Variants in KLHL28 observed in about 807,000 individuals in gnomAD.
KLHL28 encodes the protein kelch like family member 28, also known as kelch-like protein 28.
A neutral mutation model predicts 48.3 loss-of-function variants in KLHL28; 22 were observed. That is an observed-to-expected ratio of 0.46 (90% CI 0.33 to 0.65). KLHL28 has a LOEUF of 0.65. Among genes scored for constraint, KLHL28 ranks in the 30% least tolerant of loss-of-function variants. The pLI, the probability that KLHL28 is intolerant of heterozygous loss-of-function variation, is 0.03. For synonymous variants in KLHL28, 243 were observed against 242.4 expected (o/e 1.00, Z -0.02); for missense variants, 527 against 704.3 (o/e 0.75, Z 2.85).
Position 44,927,086 on chromosome 14 carries a change from T to C in KLHL28, c.*1942A>G, listed in dbSNP as rs1185087641. On this transcript the variant is annotated 3_prime_UTR_variant, in exon 5 of 5. Coordinates refer to ENST00000396128, the MANE Select transcript of KLHL28 (RefSeq NM_017658.5). ...TATTATGTTATTCAGACAAGCAACATAGAAAATACTCAGACTATCAATTGT... is the reference window on the plus strand; with the variant it reads ...TATTATGTTATTCAGACAAGCAACACAGAAAATACTCAGACTATCAATTGT... The C allele has an allele frequency of 2.0e-5, 3 of 152,554 alleles. No individual in the cohort carries two copies. Among genetic ancestry groups the C allele is most frequent in the African/African-American group, 7.2e-5 (3 of 41,442 alleles). 9.5% of individuals were successfully genotyped at this position (152,554 alleles called of 1,614,324 possible).
intron 2 of KLHL28, among the ~76,000 whole-genome samples, chr14:44,935,864 G>GTGTATA (rs1566564854): frequency 1.2e-3 from 56 of 47,810 alleles, no homozygotes; most frequent in Non-Finnish European, 2.3e-3. Context: ...GTATGTATGT[G>GTGTATA]TATGTGTATG....
intron 2 of KLHL28, among the ~76,000 whole-genome samples, chr14:44,938,516 C>T (rs1489875696): frequency 1.3e-5 from 2 of 152,002 alleles, no homozygotes; most frequent in Admixed American, 1.3e-4. Flanking sequence ...GGACTACAGG[C>T]GCCCACCACC....
intron 1 of KLHL28, chr14:44,960,952 C>T: frequency 6.8e-7 from 1 of 1,480,078 alleles, no homozygotes; most frequent in Non-Finnish European, 9.2e-7. Context: ...CAAATGATAA[C>T]TTAGACTTTT....
At chr14:44,930,154 T>C (rs1004544657) in intron 4 of KLHL28, among the ~76,000 whole-genome samples, 4 of 152,230 alleles carry the variant, frequency 2.6e-5, no homozygotes, top group Admixed American at 2.0e-4. Flanking sequence ...AAACAAATTA[T>C]AGTAAACACT....
At position 44,945,837 on chromosome 14, in the gene KLHL28, T is replaced by A; in HGVS notation, c.92A>T (p.His31Leu). 6.2e-7 allele frequency: 1 copy of A among 1,614,172 alleles called. No homozygotes were observed. The highest frequency in any genetic ancestry group is 8.5e-7 in the Non-Finnish European group (1 of 1,180,016). Residue 31 changes from histidine (H) to leucine (L), a missense_variant, in exon 2 of 5, where the codon CAT (histidine) becomes CTT (leucine). By Grantham distance (99) the His-to-Leu change is moderately conservative. Coordinates refer to ENST00000396128, the MANE Select transcript of KLHL28 (RefSeq NM_017658.5). ...LLQGLNLLRQ[H>L]HELCDIILRV... is the part of the protein sequence containing the mutation. ...AAGAATGATGTCACAGAGTTCGTGATGTTGGCGAAGAAGATTCAAGCCCTG... is the reference window on the plus strand; with the variant it reads ...AAGAATGATGTCACAGAGTTCGTGAAGTTGGCGAAGAAGATTCAAGCCCTG...
intron 2 of KLHL28, among the ~76,000 whole-genome samples, chr14:44,935,822 C>T (rs1387728458): frequency 2.9e-5 from 4 of 136,656 alleles, no homozygotes; most frequent in Non-Finnish European, 6.4e-5. Context: ...TTCTTGATAC[C>T]CTGCACCCAT....
intron 1 of KLHL28, among the ~76,000 whole-genome samples, chr14:44,955,378 C>T (rs1350446552): frequency 6.6e-6 from 1 of 152,056 alleles, no homozygotes; most frequent in Non-Finnish European, 1.5e-5. Context: ...ATCCCGGTAG[C>T]AAAGAACACT....
chr14:44,943,343 C>A (rs1884181398), intron 2 of KLHL28, among the ~76,000 whole-genome samples: 1 of 152,200 alleles, frequency 6.6e-6, no homozygotes, highest in Non-Finnish European at 1.5e-5. Flanking sequence ...CTCAACAATA[C>A]TAGTTTCAGG....
At chr14:44,943,742 T>G (rs1884203240) in intron 2 of KLHL28, among the ~76,000 whole-genome samples, 2 of 147,518 alleles carry the variant, frequency 1.4e-5, no homozygotes, top group East Asian at 2.0e-4. Flanking sequence ...CAAAACAGGG[T>G]CTCATTCTGT....
chr14:44,950,726 A>G (rs1223941277), intron 1 of KLHL28, among the ~76,000 whole-genome samples: 1 of 152,242 alleles, frequency 6.6e-6, no homozygotes, highest in Admixed American at 6.5e-5. Flanking sequence ...ACAAAATTGT[A>G]TAAAAAGCAG....
In KLHL28 at chr14:44,927,840, CAT is replaced by C. The variant is rs1359878285; in HGVS notation, c.*1186_*1187del. On this transcript the variant is annotated 3_prime_UTR_variant, in exon 5 of 5. Transcript: ENST00000396128. ...CATATATTTCTGTTTTTAAGAAAGA[CAT>C]GTAATATCTAGCACAAGAAGAAAGA... 1 of 152,524 alleles carries C rather than the reference CAT, an allele frequency of 6.6e-6. No homozygotes were observed. The highest frequency in any genetic ancestry group is 6.5e-5 in the Admixed American group (1 of 15,268). 9.4% of individuals were successfully genotyped at this position (152,524 alleles called of 1,614,324 possible).
At chr14:44,930,679 A>C (rs1208960435) in intron 4 of KLHL28, among the ~76,000 whole-genome samples, 1 of 152,220 alleles carries the variant, frequency 6.6e-6, no homozygotes, top group African/African-American at 2.4e-5. Context: ...CATAATTCAA[A>C]TATTCCAAAA....
chr14:44,926,871 T>C lies in KLHL28; in HGVS notation c.*2157A>G, dbSNP rs916043245. On this transcript the variant is annotated 3_prime_UTR_variant, in exon 5 of 5. Transcript: ENST00000396128. ...TTTGGGAATAGGGGATTAAAAATAG[T>C]ATAATAGGATATATTTAATAATTTG... 1 of 152,424 alleles carries C rather than the reference T, an allele frequency of 6.6e-6. No individual in the cohort carries two copies. Among genetic ancestry groups the C allele is most frequent in the Admixed American group, 6.5e-5 (1 of 15,280 alleles). The allele number at this position is 152,424 out of a possible 1,614,324, so 9.4% of individuals were successfully genotyped here. A position where few individuals can be genotyped will look rare whatever the true frequency, so the allele number is the denominator to read the frequency against.
intron 1 of KLHL28, among the ~76,000 whole-genome samples, chr14:44,955,352 G>C (rs1442978216): frequency 6.6e-6 from 1 of 151,950 alleles, no homozygotes; most frequent in Non-Finnish European, 1.5e-5. Flanking sequence ...CTACTGAAAA[G>C]GTCTAGAAAC....
chr14:44,952,326 G>A (rs944349013), intron 1 of KLHL28, among the ~76,000 whole-genome samples: 2 of 152,126 alleles, frequency 1.3e-5, no homozygotes, highest in African/African-American at 4.8e-5. Context: ...GAACCTGCTA[G>A]AAATGTAAAT....
chr14:44,950,179 G>A (rs1385545913), intron 1 of KLHL28, among the ~76,000 whole-genome samples: 1 of 152,100 alleles, frequency 6.6e-6, no homozygotes, highest in African/African-American at 2.4e-5. Flanking sequence ...AAAGGGCTCA[G>A]AATAGGGCCT....
At chr14:44,961,451 A>C (rs1885091824) in intron 1 of KLHL28, 1 of 152,278 alleles carries the variant, frequency 6.6e-6, no homozygotes, top group Admixed American at 6.5e-5. Flanking sequence ...ACGCAAAGTG[A>C]TGAGGGTAAG....
chr14:44,937,971 CT>C (rs1333319181), intron 2 of KLHL28, among the ~76,000 whole-genome samples: 2 of 152,244 alleles, frequency 1.3e-5, no homozygotes, highest in African/African-American at 2.4e-5. Context: ...CCTCCTAATA[CT>C]GTTCAATGGC....
At chr14:44,933,313 C>CTT (rs200736260) in intron 3 of KLHL28, among the ~76,000 whole-genome samples, 3 of 138,050 alleles carry the variant, frequency 2.2e-5, no homozygotes, top group African/African-American at 7.9e-5. Flanking sequence ...TTCTTTCTTT[C>CTT]TTTTTTTTTT....
Sources: allele counts gnomAD v4.1 joint callset (sites outside exome capture counted in the v4.1 genomes callset), GRCh38; gene constraint gnomAD v4.1.1; transcripts MANE v1.5; gene names NCBI Gene and HGNC (gene_info 2026-07-23, HGNC 2026-07-21).